Variants in TTC23L observed in about 807,000 individuals in gnomAD.
TTC23L encodes tetratricopeptide repeat domain 23 like, also known as tetratricopeptide repeat protein 23-like.
In TTC23L, 42 loss-of-function variants were observed where a neutral mutation model predicts 48.1. That is an observed-to-expected ratio of 0.87 (90% CI 0.68 to 1.13). The LOEUF (loss-of-function observed/expected upper bound fraction) is 1.13, where lower values mean the gene tolerates loss of function less well. Among genes scored for constraint, TTC23L ranks in the 50% most tolerant of loss-of-function variants. The probability of loss-of-function intolerance (pLI) is 0.00; values close to 1 mark genes in which losing one functional copy is unlikely to be tolerated. For synonymous variants in TTC23L, 159 were observed against 157.2 expected (o/e 1.01, Z -0.09); for missense variants, 391 against 421.0 (o/e 0.93, Z 0.62).
At chr5:34,877,067 C>CA (rs1761897482) in intron 8 of TTC23L, among the ~76,000 whole-genome samples, 1 of 152,034 alleles carries the variant, frequency 6.6e-6, no homozygotes, top group Admixed American at 6.5e-5. Flanking sequence ...AAATCCTTAA[C>CA]AAAACATCAG....
At chr5:34,882,639 A>ACACACACACACACACT (rs1561151586) in intron 9 of TTC23L, among the ~76,000 whole-genome samples, 2 of 151,822 alleles carry the variant, frequency 1.3e-5, no homozygotes, top group African/African-American at 4.8e-5. Flanking sequence ...ACACACACAC[A>ACACACACACACACACT]CACACACACA....
chr5:34,913,659 G>GT, the TTC23L span: 1 of 815,214 alleles, frequency 1.2e-6, no homozygotes. Context: ...CACTTTATAC[G>GT]TTTAAAAAAT....
chr5:34,891,084 A>C (rs2111797176), intron 9 of TTC23L, among the ~76,000 whole-genome samples: 1 of 152,366 alleles, frequency 6.6e-6, no homozygotes, highest in Non-Finnish European at 1.5e-5. Context: ...GGAAGGTCTT[A>C]GCAGGTCTTA....
At chr5:34,858,816 G>A (rs1298473651) in intron 4 of TTC23L, among the ~76,000 whole-genome samples, 1 of 152,016 alleles carries the variant, frequency 6.6e-6, no homozygotes, top group Non-Finnish European at 1.5e-5. Flanking sequence ...TTCCCTTTAG[G>A]GCTTAAAATA....
chr5:34,864,597 T>C (rs749908555), intron 6 of TTC23L, 35 bp downstream of exon 6: 2 of 1,594,082 alleles, frequency 1.3e-6, no homozygotes, highest in East Asian at 2.2e-5. Context: ...GAGGCTTTTA[T>C]GAATGAGGCT....
chr5:34,925,438 G>C, the TTC23L span: 354 of 1,613,846 alleles, frequency 2.2e-4, no homozygotes, highest in African/African-American at 4.1e-3. Flanking sequence ...GAAAGAAACG[G>C]ATTTACAAAA....
chr5:34,856,383 C>G (rs368662698), intron 4 of TTC23L, among the ~76,000 whole-genome samples: 1 of 152,320 alleles, frequency 6.6e-6, no homozygotes, highest in Non-Finnish European at 1.5e-5. Context: ...AACCTCCCCC[C>G]ATCCAGAACA....
chr5:34,874,886 G>T (rs1761721397), intron 8 of TTC23L, among the ~76,000 whole-genome samples: 3 of 152,108 alleles, frequency 2.0e-5, no homozygotes, highest in Admixed American at 1.3e-4. Context: ...AACATCAGTG[G>T]TCTAAATAAG....
intron 8 of TTC23L, among the ~76,000 whole-genome samples, chr5:34,877,413 T>C (rs978950993): frequency 6.7e-6 from 1 of 149,988 alleles, no homozygotes; most frequent in Non-Finnish European, 1.5e-5. Context: ...TATTCTTTTT[T>C]CTTTCTTTCT....
intron 8 of TTC23L, among the ~76,000 whole-genome samples, chr5:34,879,694 A>G (rs949423664): frequency 6.6e-6 from 1 of 152,122 alleles, no homozygotes; most frequent in Non-Finnish European, 1.5e-5. Flanking sequence ...ACATCATCTG[A>G]TGTCATTAAA....
chr5:34,842,071 G>A (rs1342820910), intron 2 of TTC23L, among the ~76,000 whole-genome samples: 1 of 152,084 alleles, frequency 6.6e-6, no homozygotes, highest in Non-Finnish European at 1.5e-5. Context: ...CTATACCAGT[G>A]TCATCAAATA....
At chr5:34,875,826 T>C (rs10472942) in intron 8 of TTC23L, among the ~76,000 whole-genome samples, 14,290 of 152,096 alleles carry the variant, frequency 0.094, 1,199 homozygotes, top group African/African-American at 0.22. Flanking sequence ...ATCCAAACAA[T>C]AGCAGAATGC....
chr5:34,840,540 G>GT, intron 1 of TTC23L, 125 bp from the exon 2 acceptor site: 3 of 770,278 alleles, frequency 3.9e-6, no homozygotes. Flanking sequence ...TGCGTAGTCT[G>GT]TGGATTTAGG....
chr5:34,844,466 A>T (rs937810063), intron 2 of TTC23L, among the ~76,000 whole-genome samples: 3 of 135,028 alleles, frequency 2.2e-5, no homozygotes, highest in Admixed American at 1.5e-4. Flanking sequence ...AAAAAAGGTT[A>T]CACTTGGCAG....
At chr5:34,869,316 G>GT in intron 8 of TTC23L, 1 of 287,076 alleles carries the variant, frequency 3.5e-6, no homozygotes, top group South Asian at 3.9e-5. Flanking sequence ...GGCCTGTGCA[G>GT]TATCGGTTGA....
chr5:34,886,038 G>C (rs530843089), intron 9 of TTC23L, among the ~76,000 whole-genome samples: 108 of 152,106 alleles, frequency 7.1e-4, no homozygotes, highest in Non-Finnish European at 9.3e-4. Flanking sequence ...CAGACTGCCT[G>C]GTGTTGGAAT....
chr5:34,880,139 A>T (rs1762124050), intron 8 of TTC23L, 42 bp from the exon 9 acceptor site: 1 of 1,574,622 alleles, frequency 6.4e-7, no homozygotes, highest in African/African-American at 1.4e-5. Context: ...ACATTTGTAA[A>T]GGTTAGCAGC....
At chr5:34,885,049 G>A (rs1360183694) in intron 9 of TTC23L, among the ~76,000 whole-genome samples, 1 of 151,662 alleles carries the variant, frequency 6.6e-6, no homozygotes, top group Non-Finnish European at 1.5e-5. Flanking sequence ...CTTCCCTAAA[G>A]AAAGCACATT....
chr5:34,922,737 A>G, the TTC23L span: 22 of 1,614,064 alleles, frequency 1.4e-5, no homozygotes, highest in Middle Eastern at 2.1e-3. Context: ...AACTGTTTGA[A>G]AGGTTCTCGG....
Sources: allele counts gnomAD v4.1 joint callset (sites outside exome capture counted in the v4.1 genomes callset), GRCh38; gene constraint gnomAD v4.1.1; transcripts MANE v1.5; gene names NCBI Gene and HGNC (gene_info 2026-07-23, HGNC 2026-07-21).